ANAPC4: variants seen among roughly 807,000 people sequenced by gnomAD.
ANAPC4 encodes the protein anaphase-promoting complex subunit 4.
ANAPC4 carries 63 observed loss-of-function variants against 119.8 expected under a neutral mutation model. The observed-to-expected ratio is 0.53, with a 90% CI of 0.43 to 0.65. ANAPC4 has a LOEUF of 0.65. Ranked by LOEUF, ANAPC4 falls within the 30% of genes least tolerant of loss-of-function variation. The probability of loss-of-function intolerance (pLI) is 0.00; values close to 1 mark genes in which losing one functional copy is unlikely to be tolerated. For missense variants in ANAPC4, 716 were observed against 945.1 expected, an observed-to-expected ratio of 0.76 and a Z score of 3.18; for synonymous variants, 283 against 318.6, an observed-to-expected ratio of 0.89 and a Z score of 1.19.
At position 25,414,340 on chromosome 4, in the gene ANAPC4, C is replaced by T. The variant is rs1723741489; in HGVS notation, c.1640C>T (p.Ser547Leu). ...TTTATATAGGATGTAATTGGAAAAT[C>T]GATGAATCAAGCAATCTGTATTCCA... ...LQKPADVIGK[S>L]MNQAICIPLY... Residue 547 changes from serine to leucine, a missense_variant, in exon 23 of 29, where the codon TCG becomes TTG. Physicochemically the swap from Ser to Leu is moderately radical, Grantham distance 145. Coordinates refer to ENST00000315368, the MANE Select transcript of ANAPC4 (RefSeq NM_013367.3). The T allele has an allele frequency of 1.3e-6, 2 of 1,591,184 alleles. No individual in the cohort carries two copies. The highest frequency in any genetic ancestry group is 1.7e-5 in the Admixed American group (1 of 58,822).
rs563788652 is a variant in ANAPC4 at position 25,404,588 on chromosome 4, C to G, written c.1271-985C>G. Among the ~76,000 whole-genome samples the G allele has an allele frequency of 3.9e-5, 6 of 152,136 alleles. No homozygotes were observed. In the East Asian group the frequency reaches 1.2e-3, roughly 29 times the overall value. ...TACATATTCTAACTGTAGTAAGAAT[C>G]AGAACTGTAGCACTGTGGTACTCTT... On this transcript the variant is annotated intron_variant, in intron 17 of 28. Transcript: ENST00000315368.
chr4:25,398,794 A>G (rs1355162559), intron 16 of ANAPC4, among the ~76,000 whole-genome samples: 17 of 152,096 alleles, frequency 1.1e-4, no homozygotes, highest in Admixed American at 1.1e-3. Context: ...GTAATTAACA[A>G]GATTTTCTCA....
intron 11 of ANAPC4, 108 bp from the exon 12 acceptor site, chr4:25,394,202 A>G (rs1722509614): frequency 3.3e-6 from 3 of 903,602 alleles, no homozygotes; most frequent in Non-Finnish European, 5.1e-6. Context: ...TATGGATTTG[A>G]TGGAAGTCTA....
intron 21 of ANAPC4, among the ~76,000 whole-genome samples, chr4:25,412,106 A>G (rs1723602476): frequency 6.6e-6 from 1 of 152,172 alleles, no homozygotes; most frequent in Non-Finnish European, 1.5e-5. Flanking sequence ...AATGGCTCAC[A>G]AAACTCCGGG....
At chr4:25,415,325 A>G (rs1042715880) in intron 25 of ANAPC4, 141 bp from the exon 26 acceptor site, 1 of 571,050 alleles carries the variant, frequency 1.8e-6, no homozygotes. Context: ...TGGTTTATCT[A>G]TCTAGGCATT....
chr4:25,395,701 C>T (rs1215451858), intron 14 of ANAPC4, among the ~76,000 whole-genome samples: 3 of 152,172 alleles, frequency 2.0e-5, no homozygotes, highest in Admixed American at 6.5e-5. Context: ...CCACCTGCCT[C>T]GGCCTCCCAA....
intron 14 of ANAPC4, 67 bp downstream of exon 14, chr4:25,394,972 C>T: frequency 8.2e-7 from 1 of 1,225,290 alleles, no homozygotes; most frequent in Non-Finnish European, 1.2e-6. Context: ...CTTCTTTCCG[C>T]CGCCTTTTCT....
At chr4:25,385,550 A>G (rs540392764) in intron 4 of ANAPC4, among the ~76,000 whole-genome samples, 2 of 152,224 alleles carry the variant, frequency 1.3e-5, no homozygotes, top group Non-Finnish European at 2.9e-5. Flanking sequence ...CCAGATCACT[A>G]AAACTTTCTC....
chr4:25,413,553 T>G, intron 21 of ANAPC4, 92 bp from the exon 22 acceptor site: 1 of 914,384 alleles, frequency 1.1e-6, no homozygotes, highest in South Asian at 1.7e-5. Context: ...AGATAAACTG[T>G]GCAGACTGGC....
intron 4 of ANAPC4, among the ~76,000 whole-genome samples, chr4:25,386,029 T>C (rs931806287): frequency 2.0e-5 from 3 of 152,138 alleles, no homozygotes; most frequent in Middle Eastern, 3.2e-3. Flanking sequence ...TTCTCCTGCC[T>C]TAGCCTCGAG....
chr4:25,412,212 G>A (rs1560447581), intron 21 of ANAPC4, among the ~76,000 whole-genome samples: 3 of 152,154 alleles, frequency 2.0e-5, no homozygotes, highest in Non-Finnish European at 4.4e-5. Flanking sequence ...GGAGAGAAAG[G>A]TGCAAAGCTT....
intron 16 of ANAPC4, among the ~76,000 whole-genome samples, chr4:25,398,995 AT>A (rs1254059702): frequency 6.6e-6 from 1 of 151,502 alleles, no homozygotes; most frequent in Non-Finnish European, 1.5e-5. Flanking sequence ...TAGACTTACT[AT>A]TTTGAAGTAA....
At chr4:25,397,334 G>A (rs757183725) in intron 16 of ANAPC4, among the ~76,000 whole-genome samples, 25 of 152,110 alleles carry the variant, frequency 1.6e-4, no homozygotes, top group Non-Finnish European at 3.5e-4. Flanking sequence ...GAAGGGTGGT[G>A]TAGTACCTCT....
rs769916355 is a variant in ANAPC4 at position 25,415,455 on chromosome 4, C to G, written c.1827-11C>G. On this transcript the variant is annotated splice_polypyrimidine_tract_variant and intron_variant, in intron 25 of 28. Transcript: ENST00000315368. Reference sequence around the variant, plus strand: ...CACAGAGTCTCTTTTTTTCCCCCTTCTTTCTTGAAGATCTGTGAGTAATGG... The same window carrying G: ...CACAGAGTCTCTTTTTTTCCCCCTTGTTTCTTGAAGATCTGTGAGTAATGG... 5 of 1,604,448 alleles carry G rather than the reference C, an allele frequency of 3.1e-6. No individual in the cohort carries two copies. In the East Asian group the frequency reaches 8.9e-5, roughly 29 times the overall value.
Position 25,396,652 on chromosome 4 carries a change from C to T in ANAPC4, c.1062-12C>T. ...GTCATGATACTAATTTATTTCTGCT[C>T]TGTTTGGATAGTGGCTCGGAGTCTT... On this transcript the variant is annotated splice_polypyrimidine_tract_variant and intron_variant, in intron 14 of 28. Transcript: ENST00000315368. 2 of 1,577,886 alleles carry T rather than the reference C, an allele frequency of 1.3e-6. No homozygotes were observed. Among genetic ancestry groups the T allele is most frequent in the Non-Finnish European group, 1.7e-6 (2 of 1,160,932 alleles).
At chr4:25,407,562 AC>A (rs1370994637) in intron 20 of ANAPC4, among the ~76,000 whole-genome samples, 1 of 152,058 alleles carries the variant, frequency 6.6e-6, no homozygotes, top group Non-Finnish European at 1.5e-5. Flanking sequence ...AGATCAAGCC[AC>A]TGCACTTCAC....
intron 25 of ANAPC4, 165 bp from the exon 26 acceptor site, chr4:25,415,301 A>AT (rs989951605): frequency 2.0e-6 from 1 of 492,024 alleles, no homozygotes. Flanking sequence ...TGACTGTGTG[A>AT]TTTTAAACCA....
rs1722165139 is a variant in ANAPC4 at position 25,388,561 on chromosome 4, A to G, written c.430A>G (p.Thr144Ala). Reference sequence around the variant, plus strand: ...AAATCTTCTCTTACCTAAACTACCTACACTGCCAAAAAAGTATGTATCACT... The same window carrying G: ...AAATCTTCTCTTACCTAAACTACCTGCACTGCCAAAAAAGTATGTATCACT... ...ESNLLLPKLPTLPKNYSNTSK... is the reference protein window; with the variant it reads ...ESNLLLPKLPALPKNYSNTSK... Residue 144 changes from threonine (T) to alanine (A), a missense_variant, in exon 5 of 29, where the codon ACA (threonine) becomes GCA (alanine). Physicochemically the swap from Thr to Ala is moderately conservative, Grantham distance 58 (BLOSUM62 0). Coordinates refer to ENST00000315368, the MANE Select transcript of ANAPC4 (RefSeq NM_013367.3). The G allele has an allele frequency of 6.2e-7, 1 of 1,604,142 alleles. No homozygotes were observed. Among genetic ancestry groups the G allele is most frequent in the Admixed American group, 1.7e-5 (1 of 59,850 alleles).
intron 4 of ANAPC4, among the ~76,000 whole-genome samples, chr4:25,387,985 T>G (rs1347132175): frequency 6.6e-6 from 1 of 152,008 alleles, no homozygotes; most frequent in Non-Finnish European, 1.5e-5. Flanking sequence ...ATATATTAGC[T>G]GGGTGTGGTG....
Sources: allele counts gnomAD v4.1 joint callset (sites outside exome capture counted in the v4.1 genomes callset), GRCh38; gene constraint gnomAD v4.1.1; transcripts MANE v1.5; gene names NCBI Gene and HGNC (gene_info 2026-07-23, HGNC 2026-07-21).